KCNK5: variants seen among roughly 807,000 people sequenced by gnomAD.
KCNK5 encodes the protein potassium two pore domain channel subfamily K member 5, also known as potassium channel subfamily K member 5.
A neutral mutation model predicts 32.9 loss-of-function variants in KCNK5; 18 were observed. The observed-to-expected ratio is 0.55, with a 90% CI of 0.38 to 0.81. The LOEUF (loss-of-function observed/expected upper bound fraction) is 0.81. KCNK5 is among the 30% of genes least tolerant of loss of function. The pLI is 0.00. For synonymous variants in KCNK5, 276 were observed against 275.3 expected (o/e 1.00, Z -0.03); for missense variants, 507 against 651.0 (o/e 0.78, Z 2.41).
intron 1 of KCNK5, among the ~76,000 whole-genome samples, chr6:39,223,554 GTACCAC>G (rs1343926787): frequency 6.6e-6 from 1 of 152,154 alleles, no homozygotes; most frequent in Non-Finnish European, 1.5e-5. Flanking sequence ...TCACTTCTCT[GTACCAC>G]CCCAGTTCTG....
chr6:39,224,017 A>G (rs1771606335), intron 1 of KCNK5, among the ~76,000 whole-genome samples: 1 of 151,878 alleles, frequency 6.6e-6, no homozygotes, highest in Non-Finnish European at 1.5e-5. Flanking sequence ...CGCTCAAAGC[A>G]ATGTAATAAA....
At position 39,194,587 on chromosome 6, in the gene KCNK5, G is replaced by A; in HGVS notation, c.465+7C>T. On this transcript the variant is annotated splice_region_variant and intron_variant, in intron 3 of 4. Transcript: ENST00000359534. This position sits in a 1 kb window ranked among gnomAD's most constrained non-coding sequence, Gnocchi z 4.7. Reference sequence around the variant, plus strand: ...TCTCTGCCCAACACCCAGGGTAGGGGACATACCAGACTCACACCTCTCTTG... The same window carrying A: ...TCTCTGCCCAACACCCAGGGTAGGGAACATACCAGACTCACACCTCTCTTG... 1.9e-6 allele frequency: 3 copies of A among 1,613,960 alleles called. No individual in the cohort carries two copies. The highest frequency in any genetic ancestry group is 1.3e-5 in the African/African-American group (1 of 75,022).
At position 39,229,034 on chromosome 6, in the gene KCNK5, C is replaced by T. The variant is rs1289959150; in HGVS notation, c.78G>A (p.Leu26=). The T allele has an allele frequency of 6.2e-7, 1 of 1,614,184 alleles. No individual in the cohort carries two copies. The highest frequency in any genetic ancestry group is 8.5e-7 in the Non-Finnish European group (1 of 1,180,032). The change falls in exon 1 of 5, where the codon CTG becomes CTA. Residue 26 remains leucine, a synonymous_variant. Coordinates refer to ENST00000359534, the MANE Select transcript of KCNK5 (RefSeq NM_003740.4). ...LAIGAAIFEV[L]EEPHWKEAKK... ...TGGCCTCCTTCCAGTGTGGCTCCTCCAGCACTTCGAAGATCGCCGCCCCGA... is the reference window on the plus strand; with the variant it reads ...TGGCCTCCTTCCAGTGTGGCTCCTCTAGCACTTCGAAGATCGCCGCCCCGA...
rs186749083 is a variant in KCNK5 at position 39,191,799 on chromosome 6, C to T, written c.635-44G>A. 9 of 1,580,912 alleles carry T rather than the reference C, an allele frequency of 5.7e-6. No individual in the cohort carries two copies. Among genetic ancestry groups the T allele is most frequent in the South Asian group, 1.2e-5 (1 of 85,420 alleles). On this transcript the variant is annotated intron_variant, in intron 4 of 4. Coordinates refer to ENST00000359534, the MANE Select transcript of KCNK5 (RefSeq NM_003740.4). This position sits in a 1 kb window ranked among gnomAD's most constrained non-coding sequence, Gnocchi z 5.8. ...CAGAGGTCAGGAAGAGTTAGCAGGG[C>T]CCGGGAAATGTGCAATGGCCAATGC...
At chr6:39,192,099 G>A (rs983105371) in intron 4 of KCNK5, among the ~76,000 whole-genome samples, 6 of 151,940 alleles carry the variant, frequency 3.9e-5, no homozygotes, top group African/African-American at 1.5e-4. Flanking sequence ...TTCGAAACCA[G>A]TCTGACCAAC....
chr6:39,202,982 A>G (rs1289705913), intron 1 of KCNK5, among the ~76,000 whole-genome samples: 1 of 152,198 alleles, frequency 6.6e-6, no homozygotes, highest in Non-Finnish European at 1.5e-5. Flanking sequence ...GGACTCAGTA[A>G]GCACTGGATA....
At chr6:39,206,965 A>T (rs1419791209) in intron 1 of KCNK5, among the ~76,000 whole-genome samples, 2 of 152,192 alleles carry the variant, frequency 1.3e-5, no homozygotes, top group Admixed American at 6.5e-5. Flanking sequence ...CTTGGGGAGG[A>T]CACCTCCATT....
At chr6:39,212,558 C>T (rs564080836) in intron 1 of KCNK5, among the ~76,000 whole-genome samples, 3 of 152,240 alleles carry the variant, frequency 2.0e-5, no homozygotes, top group African/African-American at 7.2e-5. Flanking sequence ...GTTTTTCGTT[C>T]ATCTGAAGGA....
Position 39,194,611 on chromosome 6 carries a change from T to C in KCNK5, c.448A>G (p.Lys150Glu). 6.2e-7 allele frequency: 1 copy of C among 1,614,046 alleles called. No individual in the cohort carries two copies. Among genetic ancestry groups the C allele is most frequent in the Admixed American group, 1.7e-5 (1 of 60,004 alleles). The change falls in exon 3 of 5, where the codon AAG (lysine) becomes GAG (glutamate). Residue 150 changes from lysine (K) to glutamate (E), a missense_variant. Transcript: ENST00000359534. This position sits in a 1 kb window ranked among gnomAD's most constrained non-coding sequence, Gnocchi z 4.7. ...RAKRLGQFLT[K>E]RGVSLRKAQI... is the part of the protein sequence containing the mutation. ...GGACATACCAGACTCACACCTCTCTTGGTAAGGAACTGCCCTAGTCTCTTG... is the reference window on the plus strand; with the variant it reads ...GGACATACCAGACTCACACCTCTCTCGGTAAGGAACTGCCCTAGTCTCTTG...
intron 1 of KCNK5, among the ~76,000 whole-genome samples, chr6:39,209,424 G>T (rs1015814233): frequency 6.6e-6 from 1 of 152,178 alleles, no homozygotes; most frequent in East Asian, 1.9e-4. Context: ...GCCAACTGGG[G>T]CGTGGGACGT....
In KCNK5 at chr6:39,191,523, G is replaced by A; in HGVS notation, c.867C>T (p.Asn289=). ...VKGSTASKDV[N]IFSFLSKKEE... is the part of the protein sequence containing the mutation. ...CCTTCTTGGAAAGAAAGCTGAAGAT[G>A]TTGACGTCCTTGGAGGCTGTGCTCC... The change falls in exon 5 of 5, where the codon AAC becomes AAT. Residue 289 remains asparagine, a synonymous_variant. Coordinates refer to ENST00000359534, the MANE Select transcript of KCNK5 (RefSeq NM_003740.4). This position sits in a 1 kb window ranked among gnomAD's most constrained non-coding sequence, Gnocchi z 5.8. 6.2e-7 allele frequency: 1 copy of A among 1,613,980 alleles called. No individual in the cohort carries two copies. Among genetic ancestry groups the A allele is most frequent in the Non-Finnish European group, 8.5e-7 (1 of 1,180,034 alleles).
In KCNK5 at chr6:39,191,614, C is replaced by CGCT. The variant is rs1258495821; in HGVS notation, c.773_775dup (p.Lys258_Arg259insGln). The CGCT allele has an allele frequency of 6.2e-7, 1 of 1,614,024 alleles. No homozygotes were observed. Among genetic ancestry groups the CGCT allele is most frequent in the Admixed American group, 1.7e-5 (1 of 60,004 alleles). ...AAAGGACTCCTTCCGTCGCCGCCGC[C>CGCT]GCTTCTTAATGGCTTTGTGGACTTC... On this transcript the variant is annotated inframe_insertion, in exon 5 of 5. Transcript: ENST00000359534. This position sits in a 1 kb window ranked among gnomAD's most constrained non-coding sequence, Gnocchi z 5.8.
intron 1 of KCNK5, among the ~76,000 whole-genome samples, chr6:39,206,069 G>A (rs1252289524): frequency 6.6e-6 from 1 of 152,250 alleles, no homozygotes; most frequent in African/African-American, 2.4e-5. Flanking sequence ...TTCCCATTCT[G>A]TAGATGAGGA....
Position 39,191,367 on chromosome 6 carries a change from C to G in KCNK5, c.1023G>C (p.Leu341=). The G allele has an allele frequency of 1.2e-6, 2 of 1,613,680 alleles. No individual in the cohort carries two copies. Among genetic ancestry groups the G allele is most frequent in the Non-Finnish European group, 1.7e-6 (2 of 1,180,006 alleles). The change falls in exon 5 of 5, where the codon CTG becomes CTC. Residue 341 remains leucine (L), a synonymous_variant. Coordinates refer to ENST00000359534, the MANE Select transcript of KCNK5 (RefSeq NM_003740.4). This position sits in a 1 kb window ranked among gnomAD's most constrained non-coding sequence, Gnocchi z 5.8. ...TCTTGGAGTAGACTACCAGGGGCAC[C>G]AGGGAAGGGGGCAGTGCTGGGAGCC... is the stretch of plus-strand genomic sequence containing the variant. ...GGGLPALPPS[L]VPLVVYSKNR...
intron 1 of KCNK5, among the ~76,000 whole-genome samples, chr6:39,206,194 CCACTTGCCACCCGG>C (rs1771223033): frequency 6.6e-6 from 1 of 152,224 alleles, no homozygotes; most frequent in Admixed American, 6.5e-5. Context: ...AACCAGCCCT[CCACTTGCCACCCGG>C]AACTGGGCTG....
intron 1 of KCNK5, among the ~76,000 whole-genome samples, chr6:39,202,307 G>C (rs1771144478): frequency 6.6e-6 from 1 of 152,192 alleles, no homozygotes; most frequent in Admixed American, 6.5e-5. Flanking sequence ...AGTTAAACAA[G>C]GTGGAAGCCT....
rs771251996 is a variant in KCNK5 at position 39,194,774 on chromosome 6, G to C, written c.299-14C>G. 6.2e-7 allele frequency: 1 copy of C among 1,613,388 alleles called. No individual in the cohort carries two copies. Among genetic ancestry groups the C allele is most frequent in the Non-Finnish European group, 8.5e-7 (1 of 1,179,614 alleles). On this transcript the variant is annotated splice_polypyrimidine_tract_variant and intron_variant, in intron 2 of 4. Coordinates refer to ENST00000359534, the MANE Select transcript of KCNK5 (RefSeq NM_003740.4). The surrounding 1 kb of genome is among the most constrained non-coding windows in gnomAD (Gnocchi z 4.7). ...CATTGCCATATCCTGAGGAAGGAGA[G>C]AGTGAGGCCAAGAACAGGAGGGGTG...
rs764197097 is a variant in KCNK5, at chr6:39,191,216, T to C, written c.1174A>G (p.Met392Val). 4 of 1,614,214 alleles carry C rather than the reference T, an allele frequency of 2.5e-6. No individual in the cohort carries two copies. The highest frequency in any genetic ancestry group is 2.2e-5 in the South Asian group (2 of 91,090). Residue 392 changes from methionine (M) to valine (V), a missense_variant, in exon 5 of 5, where the codon ATG (methionine) becomes GTG (valine). Met to Val is a conservative substitution (Grantham distance 21, BLOSUM62 1). Coordinates refer to ENST00000359534, the MANE Select transcript of KCNK5 (RefSeq NM_003740.4). This position sits in a 1 kb window ranked among gnomAD's most constrained non-coding sequence, Gnocchi z 5.8. ...EDSSPAPEVF[M>V]NQLDRISEEC... ...TCGCTGATGCGGTCCAGCTGGTTCA[T>C]GAACACCTCGGGGGCAGGGGAGCTG... is the stretch of plus-strand genomic sequence containing the variant.
intron 1 of KCNK5, among the ~76,000 whole-genome samples, chr6:39,205,586 G>C (rs1177804444): frequency 3.9e-5 from 6 of 152,156 alleles, no homozygotes; most frequent in Non-Finnish European, 5.9e-5. Flanking sequence ...TTGTGACTTT[G>C]TCCCCTTCTC....
Sources: allele counts gnomAD v4.1 joint callset (sites outside exome capture counted in the v4.1 genomes callset), GRCh38; gene constraint gnomAD v4.1.1; non-coding constraint Gnocchi (gnomAD v3.1); transcripts MANE v1.5; gene names NCBI Gene and HGNC (gene_info 2026-07-23, HGNC 2026-07-21).